The following GPR89B variants were observed in gnomAD, a reference collection of about 807,000 sequenced individuals.
GPR89B encodes the protein G protein-coupled receptor 89B.
Under a neutral mutation model 52.4 loss-of-function variants are expected in GPR89B, and 25 were observed. That is an observed-to-expected ratio of 0.48 (90% confidence interval 0.35 to 0.67). The LOEUF is 0.67. Among genes scored for constraint, GPR89B ranks in the 30% least tolerant of loss-of-function variants. The pLI, the probability that GPR89B is intolerant of heterozygous loss-of-function variation, is 0.01. For synonymous variants in GPR89B, 52 were observed against 151.2 expected, an observed-to-expected ratio of 0.34 and a Z score of 4.81; for missense variants, 146 against 450.2, an observed-to-expected ratio of 0.32 and a Z score of 6.11.
intron 1 of GPR89B, among the ~76,000 whole-genome samples, chr1:147,934,488 T>C (rs1354875049): frequency 6.6e-6 from 1 of 152,174 alleles, no homozygotes; most frequent in Non-Finnish European, 1.5e-5. Context: ...TTATTCATCC[T>C]TTGAGAGGAT....
intron 7 of GPR89B, among the ~76,000 whole-genome samples, chr1:147,960,768 CTTG>C (rs1656476359): frequency 6.7e-6 from 1 of 148,978 alleles, no homozygotes; most frequent in African/African-American, 2.5e-5. Context: ...AGGAGAATCA[CTTG>C]AACCCAGGAG....
chr1:148,010,370 AC>A, the GPR89B span: 1 of 152,224 alleles, frequency 6.6e-6, no homozygotes, highest in Admixed American at 6.5e-5. Context: ...CCCTGGAATG[AC>A]CGTGCCACTC....
At chr1:147,942,114 TTAA>T (rs1654603600) in intron 3 of GPR89B, among the ~76,000 whole-genome samples, 2 of 152,058 alleles carry the variant, frequency 1.3e-5, no homozygotes, top group African/African-American at 4.8e-5. Context: ...TTCTTACAGT[TTAA>T]TAATATAATA....
intron 1 of GPR89B, among the ~76,000 whole-genome samples, chr1:147,933,178 TA>T (rs1653792621): frequency 6.6e-6 from 1 of 150,874 alleles, no homozygotes; most frequent in Non-Finnish European, 1.5e-5. Context: ...CCTTGGCCAA[TA>T]AACTTTCCCT....
intron 10 of GPR89B, among the ~76,000 whole-genome samples, chr1:147,978,107 T>C (rs1191021940): frequency 6.6e-6 from 1 of 151,030 alleles, no homozygotes; most frequent in Non-Finnish European, 1.5e-5. Flanking sequence ...TTGTGTTGAT[T>C]CTTTCTCATC....
the GPR89B span, among the ~76,000 whole-genome samples, chr1:148,023,877 T>C: frequency 6.7e-6 from 1 of 149,268 alleles, no homozygotes; most frequent in Non-Finnish European, 1.5e-5. Context: ...TTTTCTCCCA[T>C]TCTGTAGGTG....
chr1:147,936,802 A>G lies in GPR89B; in HGVS notation c.102+116A>G, dbSNP rs1232979381. The stretch of plus-strand genomic sequence containing the variant: ...CAAGATAGGAAGCTTTTACCAAATA[A>G]GTACTATATAACTATTAGATTGGAG... On this transcript the variant is annotated intron_variant, in intron 2 of 13. Coordinates refer to ENST00000314163, the MANE Select transcript of GPR89B (RefSeq NM_016334.5). 3 of 784,808 alleles carry G rather than the reference A, an allele frequency of 3.8e-6. No homozygotes were observed. In the African/African-American group the frequency reaches 5.2e-5, roughly 14 times the overall value. The allele number at this position is 784,808 out of a possible 1,614,324, so 48.6% of individuals were successfully genotyped here. A position where few individuals can be genotyped will look rare whatever the true frequency, so the allele number is the denominator to read the frequency against.
At chr1:147,970,569 C>CTCTATATATATATATA (rs1553253167) in intron 10 of GPR89B, among the ~76,000 whole-genome samples, 1 of 142,582 alleles carries the variant, frequency 7.0e-6, no homozygotes, top group Admixed American at 7.0e-5. Context: ...CTCTCTCTCT[C>CTCTATATATATATATA]TATATATATA....
chr1:148,003,107 T>G, the GPR89B span, among the ~76,000 whole-genome samples: 3 of 152,240 alleles, frequency 2.0e-5, no homozygotes, highest in South Asian at 4.1e-4. Context: ...CATATGATAT[T>G]CTTTCTCCAA....
intron 10 of GPR89B, among the ~76,000 whole-genome samples, chr1:147,973,066 G>A (rs1332054904): frequency 4.0e-5 from 6 of 151,614 alleles, no homozygotes; most frequent in Non-Finnish European, 8.8e-5. Context: ...ATCATTGATG[G>A]GCATTTGGGT....
intron 7 of GPR89B, among the ~76,000 whole-genome samples, chr1:147,955,493 A>G (rs1422344042): frequency 4.6e-5 from 7 of 152,016 alleles, no homozygotes; most frequent in African/African-American, 1.5e-4. Flanking sequence ...ACTATTTTCC[A>G]TAGGGTTGTG....
chr1:148,017,128 G>A, the GPR89B span, among the ~76,000 whole-genome samples: 9 of 151,594 alleles, frequency 5.9e-5, no homozygotes, highest in East Asian at 2.0e-4. Context: ...TGCACCCTCC[G>A]CCTCCTGGGT....
At chr1:148,025,512 A>G in the GPR89B span, among the ~76,000 whole-genome samples, 6 of 141,822 alleles carry the variant, frequency 4.2e-5, no homozygotes, top group Non-Finnish European at 9.1e-5. Flanking sequence ...AACAAGAACT[A>G]AACTCTGTCT....
At chr1:147,932,870 A>G (rs1453271841) in intron 1 of GPR89B, among the ~76,000 whole-genome samples, 1 of 152,160 alleles carries the variant, frequency 6.6e-6, no homozygotes, top group East Asian at 1.9e-4. Flanking sequence ...AATATTTAAA[A>G]AAAAGCACAG....
chr1:147,971,872 A>G (rs1398444066), intron 10 of GPR89B, among the ~76,000 whole-genome samples: 7 of 151,532 alleles, frequency 4.6e-5, no homozygotes, highest in Non-Finnish European at 1.0e-4. Context: ...TGACATACAT[A>G]TATACCTATG....
downstream of GPR89B, chr1:147,996,524 T>C: frequency 6.3e-7 from 1 of 1,581,012 alleles, no homozygotes. Flanking sequence ...TTACCATACC[T>C]CTTTGATGAA....
At chr1:147,932,711 T>TA (rs1375861369) in intron 1 of GPR89B, among the ~76,000 whole-genome samples, 1 of 152,198 alleles carries the variant, frequency 6.6e-6, no homozygotes, top group Non-Finnish European at 1.5e-5. Context: ...CAACCATTCT[T>TA]ACCTCCTTTC....
chr1:147,997,831 A>G (rs1333093047), downstream of GPR89B, among the ~76,000 whole-genome samples: 39 of 144,072 alleles, frequency 2.7e-4, no homozygotes, highest in Non-Finnish European at 5.4e-4. Context: ...ATGGTCACAT[A>G]TTGTAACAAA....
chr1:147,984,167 G>A, intron 10 of GPR89B, among the ~76,000 whole-genome samples: 1 of 89,102 alleles, frequency 1.1e-5, no homozygotes, highest in Non-Finnish European at 2.2e-5. Context: ...TCACACTCTG[G>A]GGACTGTTGT....
Sources: allele counts gnomAD v4.1 joint callset (sites outside exome capture counted in the v4.1 genomes callset), GRCh38; gene constraint gnomAD v4.1.1; transcripts MANE v1.5; gene names NCBI Gene and HGNC (gene_info 2026-07-23, HGNC 2026-07-21).